Variants in ABHD16A observed in about 807,000 individuals in gnomAD.
ABHD16A encodes abhydrolase domain containing 16A, phospholipase.
ABHD16A carries 47 observed loss-of-function variants against 89.8 expected under a neutral mutation model. The observed-to-expected ratio is 0.52, with a 90% CI of 0.41 to 0.67. The LOEUF (loss-of-function observed/expected upper bound fraction) is 0.67, where lower values mean the gene tolerates loss of function less well. Ranked by LOEUF, ABHD16A falls within the 30% of genes least tolerant of loss-of-function variation. The probability of loss-of-function intolerance (pLI) is 0.00; values close to 1 mark genes in which losing one functional copy is unlikely to be tolerated. For synonymous variants in ABHD16A, 251 were observed against 280.4 expected, an observed-to-expected ratio of 0.90 and a Z score of 1.05; for missense variants, 580 against 734.6, an observed-to-expected ratio of 0.79 and a Z score of 2.43.
intron 7 of ABHD16A, chr6:31,692,645 G>A (rs1209481568): frequency 1.2e-5 from 3 of 241,340 alleles, no homozygotes; most frequent in Non-Finnish European, 2.4e-5. Flanking sequence ...AGGCACACAG[G>A]GGCCCGGAGC....
intron 1 of ABHD16A, 162 bp downstream of exon 1, chr6:31,702,988 G>A (rs1375018082): frequency 7.4e-7 from 1 of 1,344,684 alleles, no homozygotes; most frequent in African/African-American, 1.5e-5. Flanking sequence ...CAGTCCGTAG[G>A]CGTGACTTTA....
Position 31,688,209 on chromosome 6 carries a change from T to C in ABHD16A, c.1307+40A>G. 1 of 1,611,366 alleles carries C rather than the reference T, an allele frequency of 6.2e-7. No homozygotes were observed. Among genetic ancestry groups the C allele is most frequent in the Non-Finnish European group, 8.5e-7 (1 of 1,177,732 alleles). On this transcript the variant is annotated intron_variant, in intron 15 of 19. Transcript: ENST00000395952. This position sits in a 1 kb window ranked among gnomAD's most constrained non-coding sequence, Gnocchi z 4.9. ...GGTAGAAGGGACAAGTTCCTGGCCA[T>C]CTCTGGGGTTCCTGAGGGCCGAGAT... is the stretch of plus-strand genomic sequence containing the variant.
chr6:31,690,828 T>TCTTC lies in ABHD16A; in HGVS notation c.844-227_844-226insGAAG, dbSNP rs1423750747. 6.6e-6 allele frequency among the ~76,000 whole-genome samples: 1 copy of TCTTC among 152,214 alleles called. No homozygotes were observed. The highest frequency in any genetic ancestry group is 1.5e-5 in the Non-Finnish European group (1 of 68,018). ...GCTGACCTGCTCGACCACCCAGCCA[T>TCTTC]GTCTTTTCCTTGGAAGATTACCAGC... On this transcript the variant is annotated intron_variant, in intron 9 of 19. Coordinates refer to ENST00000395952, the MANE Select transcript of ABHD16A (RefSeq NM_021160.3). This position sits in a 1 kb window ranked among gnomAD's most constrained non-coding sequence, Gnocchi z 4.1.
chr6:31,689,499 C>G, intron 12 of ABHD16A, 82 bp downstream of exon 12: 4 of 1,446,690 alleles, frequency 2.8e-6, no homozygotes, highest in Non-Finnish European at 3.7e-6. Context: ...GCCTCCACCC[C>G]ACCCCATTTC....
rs147681590 is a variant in ABHD16A, at chr6:31,689,115, C to T, written c.1086G>A (p.Thr362=). The change falls in exon 13 of 20, where the codon ACG becomes ACA. Residue 362 remains threonine (T), a synonymous_variant. Transcript: ENST00000395952. ...YAWSIGGFTA[T]WAAMSYPDVS... is the part of the protein sequence containing the mutation. ...CATCTGGGTAGGACATGGCTGCCCA[C>T]GTGGCTGGTACCAGGGCAGGGAAGA... 38 of 1,613,430 alleles carry T rather than the reference C, an allele frequency of 2.4e-5. No homozygotes were observed. In the African/African-American group the frequency reaches 2.5e-4, roughly 11 times the overall value.
rs1803759412 is a variant in ABHD16A, at chr6:31,690,421, TGA to T, written c.907+116_907+117del. Reference sequence around the variant, plus strand: ...TGGCGAGTGGACTTTTCCCTAAAGCTGAGAGACTCAAAACCTCACCCAGAGAA... The same window carrying T: ...TGGCGAGTGGACTTTTCCCTAAAGCTGAGACTCAAAACCTCACCCAGAGAA... On this transcript the variant is annotated intron_variant, in intron 10 of 19. Transcript: ENST00000395952. The surrounding 1 kb of genome is among the most constrained non-coding windows in gnomAD (Gnocchi z 4.1). 19 of 1,145,136 alleles carry T rather than the reference TGA, an allele frequency of 1.7e-5. No homozygotes were observed. The South Asian group carries it at 1.9e-4, about 12-fold the overall frequency. The allele number at this position is 1,145,136 out of a possible 1,614,324, so 70.9% of individuals were successfully genotyped here.
chr6:31,689,710 G>A lies in ABHD16A; in HGVS notation c.958-6C>T. 2 of 1,607,510 alleles carry A rather than the reference G, an allele frequency of 1.2e-6. No individual in the cohort carries two copies. Among genetic ancestry groups the A allele is most frequent in the African/African-American group, 1.3e-5 (1 of 74,974 alleles). On this transcript the variant is annotated splice_region_variant and splice_polypyrimidine_tract_variant and intron_variant, in intron 11 of 19. Transcript: ENST00000395952. ...TTCTGCGGGAATGGCACCCCCTGCA[G>A]GAGAAAGGGCAAAGTCAGGAGTGTG...
At chr6:31,691,454 G>A in intron 9 of ABHD16A, 125 bp downstream of exon 9, 2 of 790,532 alleles carry the variant, frequency 2.5e-6, no homozygotes, top group South Asian at 3.3e-5. Flanking sequence ...CTTTAGCGTG[G>A]AGCTAGGACA....
At position 31,687,291 on chromosome 6, in the gene ABHD16A, C is replaced by T. The variant is rs1681841663; in HGVS notation, c.1598G>A (p.Arg533Gln). ...GGCCTCAAAGTTGTGCAGATGCTTCCGAGCCTGAGGAAAGGAGGTGGGACA... is the reference window on the plus strand; with the variant it reads ...GGCCTCAAAGTTGTGCAGATGCTTCTGAGCCTGAGGAAAGGAGGTGGGACA... ...GRRQLALFLA[R>Q]KHLHNFEATH... Residue 533 changes from arginine (R) to glutamine (Q), a missense_variant, in exon 20 of 20, where the codon CGG (arginine) becomes CAG (glutamine). This residue lies in a region of ABHD16A where 415 missense variants were observed against 568.8 expected (regional missense o/e 0.73). Transcript: ENST00000395952. The surrounding 1 kb of genome is among the most constrained non-coding windows in gnomAD (Gnocchi z 6.3). 1.9e-6 allele frequency: 3 copies of T among 1,612,792 alleles called. No homozygotes were observed. Among genetic ancestry groups the T allele is most frequent in the Non-Finnish European group, 2.5e-6 (3 of 1,179,936 alleles).
In ABHD16A at chr6:31,701,299, G is replaced by A. The variant is rs755971609; in HGVS notation, c.231C>T (p.Phe77=). The A allele has an allele frequency of 8.1e-6, 13 of 1,613,602 alleles. No homozygotes were observed. The highest frequency in any genetic ancestry group is 4.5e-5 in the East Asian group (2 of 44,812). Residue 77 remains phenylalanine (F), a synonymous_variant, in exon 3 of 20, where the codon TTC becomes TTT. Transcript: ENST00000395952. ...FWSISYYSSP[F]AFFYLYRKGY... ...CTTTCCTGTACAAGTAGAAGAAGGC[G>A]AAGGGAGAGGAGTAATAAGAGATGG...
chr6:31,701,998 A>C, intron 2 of ABHD16A, 76 bp downstream of exon 2: 1 of 1,559,002 alleles, frequency 6.4e-7, no homozygotes, highest in Admixed American at 1.7e-5. Context: ...TGTTGCTCCC[A>C]AGTTAGGGAG....
In ABHD16A at chr6:31,693,095, C is replaced by CGGGG; in HGVS notation, c.557_558insCCCC (p.Glu186AspfsTer17). The CGGGG allele has an allele frequency of 6.2e-7, 1 of 1,614,154 alleles. No homozygotes were observed. The highest frequency in any genetic ancestry group is 8.5e-7 in the Non-Finnish European group (1 of 1,180,020). On this transcript the variant is annotated frameshift_variant, in exon 7 of 20. Transcript: ENST00000395952. LOFTEE classifies it high-confidence loss of function. This position sits in a 1 kb window ranked among gnomAD's most constrained non-coding sequence, Gnocchi z 5.0. Reference sequence around the variant, plus strand: ...TGTCTGCTGTCCCCCGGTGCAGGGGCTCTGGGCGAAGCAGGGCCACACCCC... The same window carrying CGGGG: ...TGTCTGCTGTCCCCCGGTGCAGGGGCGGGGTCTGGGCGAAGCAGGGCCACACCCC...
chr6:31,688,258 A>G lies in ABHD16A; in HGVS notation c.1298T>C (p.Ile433Thr), dbSNP rs751774399. The stretch of plus-strand genomic sequence containing the variant: ...ATTCCCACGCACTCACGTGGTGGTG[A>G]TGATCTCATCCTTGGTTCTCCGGAT... ...LLIRRTKDEI[I>T]TTTVPEDIMS... The change falls in exon 15 of 20, where the codon ATC becomes ACC. Residue 433 changes from isoleucine (I) to threonine (T), a missense_variant. Ile to Thr is a moderately conservative substitution (Grantham distance 89, BLOSUM62 -1). This residue lies in a region of ABHD16A where 415 missense variants were observed against 568.8 expected (regional missense o/e 0.73). Transcript: ENST00000395952. This position sits in a 1 kb window ranked among gnomAD's most constrained non-coding sequence, Gnocchi z 4.9. 6 of 1,614,018 alleles carry G rather than the reference A, an allele frequency of 3.7e-6. No homozygotes were observed. The highest frequency in any genetic ancestry group is 1.6e-4 in the Middle Eastern group (1 of 6,062).
chr6:31,691,820 G>T lies in ABHD16A; in HGVS notation c.725C>A (p.Ala242Asp). ...ALMPVLLQGQ[A>D]RLVEECNGRR... ...AAGCCTCACCTCTTCCACCAGTCGG[G>T]CCTGGCCCTGCAGCAGCACAGGCAT... Residue 242 changes from alanine (A) to aspartate (D), a missense_variant, in exon 8 of 20, where the codon GCC becomes GAC. Transcript: ENST00000395952. The T allele has an allele frequency of 6.2e-7, 1 of 1,610,192 alleles. No individual in the cohort carries two copies. Among genetic ancestry groups the T allele is most frequent in the Non-Finnish European group, 8.5e-7 (1 of 1,178,808 alleles).
Position 31,703,222 on chromosome 6 carries a change from C to T in ABHD16A, c.60G>A (p.Arg20=). 6.9e-7 allele frequency: 1 copy of T among 1,441,194 alleles called. No individual in the cohort carries two copies. The allele number at this position is 1,441,194 out of a possible 1,614,324, so 89.3% of individuals were successfully genotyped here. ...GPRLYKIYRE[R]DSERAPASVP... Reference sequence around the variant, plus strand: ...CGCTGGCCGGGGCCCTTTCAGAGTCCCTCTCCCGGTAGATTTTGTAGAGCC... The same window carrying T: ...CGCTGGCCGGGGCCCTTTCAGAGTCTCTCTCCCGGTAGATTTTGTAGAGCC... Residue 20 remains arginine (R), a synonymous_variant, in exon 1 of 20, where the codon AGG becomes AGA. Coordinates refer to ENST00000395952, the MANE Select transcript of ABHD16A (RefSeq NM_021160.3).
chr6:31,690,212 C>T lies in ABHD16A; in HGVS notation c.908-85G>A, dbSNP rs1803735867. ...TGGGGGAAGGAAGAGCAGAAGTACC[C>T]CCCAGCTTAGATGCAAATAACTCCA... is the stretch of plus-strand genomic sequence containing the variant. On this transcript the variant is annotated intron_variant, in intron 10 of 19. Transcript: ENST00000395952. This position sits in a 1 kb window ranked among gnomAD's most constrained non-coding sequence, Gnocchi z 4.1. 2 of 1,336,384 alleles carry T rather than the reference C, an allele frequency of 1.5e-6. No individual in the cohort carries two copies. The highest frequency in any genetic ancestry group is 2.0e-6 in the Non-Finnish European group (2 of 977,722). The allele number at this position is 1,336,384 out of a possible 1,614,324, so 82.8% of individuals were successfully genotyped here.
chr6:31,689,286 T>C (rs1460848496), intron 12 of ABHD16A, among the ~76,000 whole-genome samples, 167 bp from the exon 13 acceptor site: 3 of 152,118 alleles, frequency 2.0e-5, no homozygotes, highest in African/African-American at 7.2e-5. Flanking sequence ...CTGGAGAGGA[T>C]GGGGATAGAA....
intron 12 of ABHD16A, 23 bp from the exon 13 acceptor site, chr6:31,689,142 G>A: frequency 1.9e-6 from 3 of 1,603,782 alleles, no homozygotes; most frequent in Non-Finnish European, 2.6e-6. Flanking sequence ...CAGGGAAGAA[G>A]AGTAAGAACT....
At position 31,693,132 on chromosome 6, in the gene ABHD16A, C is replaced by T. The variant is rs974663221; in HGVS notation, c.521G>A (p.Gly174Asp). 2 of 1,613,354 alleles carry T rather than the reference C, an allele frequency of 1.2e-6. No homozygotes were observed. The highest frequency in any genetic ancestry group is 1.7e-6 in the Non-Finnish European group (2 of 1,179,664). Residue 174 changes from glycine to aspartate, a missense_variant, in exon 7 of 20, where the codon GGC (glycine) becomes GAC (aspartate). By Grantham distance (94) the Gly-to-Asp change is moderately conservative (BLOSUM62 -1). This residue lies in a region of ABHD16A where 415 missense variants were observed against 568.8 expected (regional missense o/e 0.73). Coordinates refer to ENST00000395952, the MANE Select transcript of ABHD16A (RefSeq NM_021160.3). The surrounding 1 kb of genome is among the most constrained non-coding windows in gnomAD (Gnocchi z 5.0). ...EPSSRKESRG[G>D]PSRRGVALLR... ...CAGGGCCACACCCCGGCGGGAAGGG[C>T]CCCCTCGAGACTCCTTCCTGAGGAA...
Sources: allele counts gnomAD v4.1 joint callset (sites outside exome capture counted in the v4.1 genomes callset), GRCh38; gene constraint gnomAD v4.1.1; regional missense constraint gnomAD v4.1.1; non-coding constraint Gnocchi (gnomAD v3.1); transcripts MANE v1.5; gene names NCBI Gene and HGNC (gene_info 2026-07-23, HGNC 2026-07-21).